GPNMB: variants seen among roughly 807,000 people sequenced by gnomAD.
GPNMB encodes glycoprotein nmb, also known as transmembrane glycoprotein NMB.
A neutral mutation model predicts 57.3 loss-of-function variants in GPNMB; 71 were observed. The observed-to-expected ratio is 1.24, with a 90% confidence interval of 1.02 to 1.51. The LOEUF is 1.51. Ranked by LOEUF, GPNMB falls within the 40% of genes most tolerant of loss-of-function variation. The pLI is 0.00. For synonymous variants in GPNMB, 253 were observed against 263.2 expected (o/e 0.96, Z 0.38); for missense variants, 677 against 691.9 (o/e 0.98, Z 0.24).
At chr7:23,262,789 T>C (rs1005274379) in intron 6 of GPNMB, among the ~76,000 whole-genome samples, 7 of 151,908 alleles carry the variant, frequency 4.6e-5, no homozygotes, top group Non-Finnish European at 8.8e-5. Context: ...CAGCTAATTT[T>C]TTTATTTTTT....
chr7:23,264,944 A>G (rs773525764), intron 6 of GPNMB, among the ~76,000 whole-genome samples: 1 of 152,140 alleles, frequency 6.6e-6, no homozygotes, highest in Non-Finnish European at 1.5e-5. Flanking sequence ...AAACAATCCT[A>G]TTGCTGTAGA....
intron 1 of GPNMB, among the ~76,000 whole-genome samples, chr7:23,249,056 C>G (rs1210815872): frequency 1.3e-5 from 2 of 152,130 alleles, no homozygotes; most frequent in Non-Finnish European, 2.9e-5. Context: ...GGACTACAGG[C>G]ATGAGCCACC....
rs1470355646 is a variant in GPNMB at position 23,254,301 on chromosome 7, A to C, written c.356A>C (p.Asn119Thr). The change falls in exon 3 of 11, where the codon AAC (asparagine) becomes ACC (threonine). Residue 119 changes from asparagine to threonine, a missense_variant. By Grantham distance (65) the Asn-to-Thr change is moderately conservative. Coordinates refer to ENST00000258733, the MANE Select transcript of GPNMB (RefSeq NM_002510.3). ...DANGNIVYEK[N>T]CRNEAGLSAD... ...AATGGCAACATAGTCTATGAGAAGA[A>C]CTGCAGAAATGGTAAGAACACAGTA... The C allele has an allele frequency of 3.7e-6, 6 of 1,613,096 alleles. No individual in the cohort carries two copies. The highest frequency in any genetic ancestry group is 5.1e-6 in the Non-Finnish European group (6 of 1,179,112).
intron 7 of GPNMB, 57 bp downstream of exon 7, chr7:23,266,672 C>A (rs1251577176): frequency 7.3e-5 from 111 of 1,529,948 alleles, no homozygotes; most frequent in Non-Finnish European, 9.5e-5. Flanking sequence ...CTAGGGTCAC[C>A]CACTCTCTCT....
intron 1 of GPNMB, among the ~76,000 whole-genome samples, chr7:23,249,691 T>G (rs570443692): frequency 8.5e-5 from 13 of 152,336 alleles, no homozygotes; most frequent in Non-Finnish European, 1.9e-4. Flanking sequence ...GTACCACAGT[T>G]TGCTTAACCA....
intron 10 of GPNMB, 56 bp downstream of exon 10, chr7:23,273,670 A>G: frequency 7.2e-6 from 8 of 1,108,284 alleles, no homozygotes; most frequent in Non-Finnish European, 1.1e-5. Flanking sequence ...AAAAGTGAAT[A>G]TATCTCTGTG....
chr7:23,261,990 G>T (rs112831343), intron 6 of GPNMB, among the ~76,000 whole-genome samples: 6 of 152,204 alleles, frequency 3.9e-5, no homozygotes, highest in African/African-American at 1.4e-4. Context: ...AGCACCCCAG[G>T]ATCCTGGGGA....
chr7:23,274,583 G>A lies in GPNMB; in HGVS notation c.*359G>A. The A allele has an allele frequency of 5.9e-6, 1 of 170,248 alleles. No homozygotes were observed. The highest frequency in any genetic ancestry group is 1.3e-5 in the Non-Finnish European group (1 of 79,658). The allele number at this position is 170,248 out of a possible 1,614,324, so 10.5% of individuals were successfully genotyped here. A position where few individuals can be genotyped will look rare whatever the true frequency, so the allele number is the denominator to read the frequency against. On this transcript the variant is annotated 3_prime_UTR_variant, in exon 11 of 11. Transcript: ENST00000258733. ...CCCAGGTTAACTGCAAGAAGAGGCG[G>A]GATACTTTCAGCTTTCCATGTAACT...
chr7:23,251,289 C>CA (rs2128480863), intron 1 of GPNMB, among the ~76,000 whole-genome samples: 1 of 152,278 alleles, frequency 6.6e-6, no homozygotes, highest in Non-Finnish European at 1.5e-5. Flanking sequence ...CTTCTCTGAG[C>CA]ACCCACTCAA....
intron 3 of GPNMB, among the ~76,000 whole-genome samples, 161 bp from the exon 4 acceptor site, chr7:23,256,731 G>C (rs1782786627): frequency 6.6e-6 from 1 of 152,162 alleles, no homozygotes; most frequent in East Asian, 1.9e-4. Flanking sequence ...CAAGTCATAA[G>C]CATACTATTG....
rs1782789000 is a variant in GPNMB at position 23,256,800 on chromosome 7, AAAAT to A, written c.368-90_368-87del. 2.0e-5 allele frequency: 21 copies of A among 1,033,130 alleles called. No individual in the cohort carries two copies. The South Asian group carries it at 2.7e-4, about 13-fold the overall frequency. The allele number at this position is 1,033,130 out of a possible 1,614,324, so 64.0% of individuals were successfully genotyped here. A position where few individuals can be genotyped will look rare whatever the true frequency, so the allele number is the denominator to read the frequency against. ...AACTACTTTTAAACTAGTTATGAAA[AAAAT>A]ACGAAAAAGTGTTTAATTCAGTGAT... is the stretch of plus-strand genomic sequence containing the variant. On this transcript the variant is annotated intron_variant, in intron 3 of 10. Coordinates refer to ENST00000258733, the MANE Select transcript of GPNMB (RefSeq NM_002510.3).
chr7:23,253,188 C>A, intron 1 of GPNMB, 119 bp from the exon 2 acceptor site: 1 of 774,624 alleles, frequency 1.3e-6, no homozygotes, highest in Non-Finnish European at 2.0e-6. Context: ...CCTCTGTTTA[C>A]TTGATGCACT....
At chr7:23,247,151 C>T in intron 1 of GPNMB, 1 of 556,016 alleles carries the variant, frequency 1.8e-6, no homozygotes, top group South Asian at 2.1e-5. Context: ...AAAAACTATG[C>T]TGCCCTTCTC....
chr7:23,265,230 G>A (rs897621928), intron 6 of GPNMB, among the ~76,000 whole-genome samples: 5 of 152,144 alleles, frequency 3.3e-5, no homozygotes, highest in African/African-American at 1.2e-4. Flanking sequence ...ATGTTCACCC[G>A]CTGACGATTC....
At chr7:23,253,596 C>T (rs537562192) in intron 2 of GPNMB, 137 bp downstream of exon 2, 3 of 664,004 alleles carry the variant, frequency 4.5e-6, no homozygotes, top group Admixed American at 6.2e-5. Context: ...GGGGAGGCAC[C>T]TGGACTTGGC....
chr7:23,272,903 G>T (rs1173046766), intron 9 of GPNMB, among the ~76,000 whole-genome samples: 1 of 150,766 alleles, frequency 6.6e-6, no homozygotes, highest in African/African-American at 2.5e-5. Context: ...CAGTGCAGTA[G>T]GGTAATCATG....
intron 7 of GPNMB, among the ~76,000 whole-genome samples, chr7:23,266,861 G>A (rs896007757): frequency 2.0e-5 from 3 of 152,334 alleles, no homozygotes; most frequent in East Asian, 1.9e-4. Flanking sequence ...TAATGAGCCT[G>A]CCCTGGGCCT....
At chr7:23,273,848 AT>A (rs1783272213) in intron 10 of GPNMB, 5 of 584,820 alleles carry the variant, frequency 8.5e-6, no homozygotes, top group African/African-American at 1.9e-5. Flanking sequence ...TGTCAACTTA[AT>A]TTTAACATGA....
chr7:23,263,621 A>T (rs1782984391), intron 6 of GPNMB, among the ~76,000 whole-genome samples: 1 of 151,870 alleles, frequency 6.6e-6, no homozygotes, highest in Admixed American at 6.6e-5. Flanking sequence ...TCAAAAAAAA[A>T]AAAAAAAAAA....
Sources: gnomAD v4.1 joint callset for allele counts (sites outside exome capture counted in the v4.1 genomes callset) on GRCh38, gnomAD v4.1.1 for gene constraint, MANE v1.5 for transcripts, NCBI Gene and HGNC (gene_info 2026-07-23, HGNC 2026-07-21) for gene names.